Variants in ERCC5 observed in about 807,000 individuals in gnomAD.
The protein encoded by ERCC5 is DNA excision repair protein ERCC-5.
ERCC5 carries 68 observed loss-of-function variants against 105.6 expected under a neutral mutation model. That is an observed-to-expected ratio of 0.64 (90% CI 0.53 to 0.79). The LOEUF is 0.79. ERCC5 is among the 30% of genes least tolerant of loss of function. The pLI is 0.00. For synonymous variants in ERCC5, 546 were observed against 526.2 expected (o/e 1.04, Z -0.51); for missense variants, 1,373 against 1,426.7 (o/e 0.96, Z 0.61).
At chr13:102,851,583 G>A (rs923937636) in intron 1 of ERCC5, among the ~76,000 whole-genome samples, 12 of 152,096 alleles carry the variant, frequency 7.9e-5, no homozygotes, top group Admixed American at 7.2e-4. Context: ...GTGAGCCACC[G>A]CGCCCGGCCT....
chr13:102,862,461 A>G lies in ERCC5; in HGVS notation c.1312A>G (p.Lys438Glu). 1.9e-6 allele frequency: 3 copies of G among 1,614,182 alleles called. No homozygotes were observed. In the East Asian group the frequency reaches 6.7e-5, roughly 36 times the overall value. ...SDEGLKVRDG[K>E]GIPFTATLAS... ...TGAAGGACTTAAAGTGAGAGATGGA[A>G]AAGGAATACCGTTTACTGCAACACT... Residue 438 changes from lysine to glutamate, a missense_variant, in exon 8 of 15, where the codon AAA becomes GAA. This residue lies in a region of ERCC5 where 1,004 missense variants were observed against 1,059.7 expected (regional missense o/e 0.95). Coordinates refer to ENST00000652225, the MANE Select transcript of ERCC5 (RefSeq NM_000123.4).
In ERCC5 at chr13:102,863,018, C is replaced by A; in HGVS notation, c.1869C>A (p.Thr623=). Residue 623 remains threonine, a synonymous_variant, in exon 8 of 15, where the codon ACC becomes ACA. Coordinates refer to ENST00000652225, the MANE Select transcript of ERCC5 (RefSeq NM_000123.4). ...NFLETIQEQQ[T]TESAGQDLIS... The stretch of plus-strand genomic sequence containing the variant: ...TGGAAACCATCCAAGAACAGCAGAC[C>A]ACTGAATCTGCAGGCCAGGATTTAA... The A allele has an allele frequency of 1.2e-6, 2 of 1,614,126 alleles. No individual in the cohort carries two copies. Among genetic ancestry groups the A allele is most frequent in the Non-Finnish European group, 1.7e-6 (2 of 1,180,020 alleles).
intron 2 of ERCC5, 133 bp from the exon 3 acceptor site, chr13:102,853,624 A>C (rs1566464752): frequency 7.1e-6 from 6 of 846,512 alleles, no homozygotes; most frequent in Non-Finnish European, 1.1e-5. Flanking sequence ...CTGATATGGC[A>C]ATTAGGAGGA....
rs1477285025 is a variant in ERCC5, at chr13:102,849,407, G to A, written c.89-2711G>A. 5.8e-6 allele frequency: 3 copies of A among 518,992 alleles called. No individual in the cohort carries two copies. In the Admixed American group the frequency reaches 5.8e-5, roughly 10 times the overall value. The allele number at this position is 518,992 out of a possible 1,614,324, so 32.1% of individuals were successfully genotyped here. A position where few individuals can be genotyped will look rare whatever the true frequency, so the allele number is the denominator to read the frequency against. ...GCTGCACTGGCTTCCTGGAGATAGG[G>A]ACCGTCTCTGTTTTGTTCATGGCTG... On this transcript the variant is annotated intron_variant, in intron 1 of 14. Transcript: ENST00000652225.
At chr13:102,866,451 G>T (rs545704676) in intron 10 of ERCC5, 70 bp downstream of exon 10, 5 of 1,613,132 alleles carry the variant, frequency 3.1e-6, no homozygotes, top group South Asian at 2.2e-5. Context: ...CTGCATGAAG[G>T]GGGTATGCAC....
At chr13:102,868,021 A>G (rs1431788407) in intron 11 of ERCC5, 92 bp from the exon 12 acceptor site, 1 of 1,227,932 alleles carries the variant, frequency 8.1e-7, no homozygotes, top group Non-Finnish European at 1.2e-6. Flanking sequence ...ATAGATATAG[A>G]TATACACACG....
chr13:102,858,991 G>A (rs916192170), intron 6 of ERCC5: 1 of 451,140 alleles, frequency 2.2e-6, no homozygotes, highest in African/African-American at 2.0e-5. Flanking sequence ...AGTGCGAATG[G>A]GGCTTCTTCA....
At chr13:102,857,070 AT>A (rs913011549) in intron 5 of ERCC5, among the ~76,000 whole-genome samples, 5 of 152,106 alleles carry the variant, frequency 3.3e-5, no homozygotes, top group African/African-American at 1.2e-4. Context: ...GTATATATAC[AT>A]TTTTTTCATA....
rs573839835 is a variant in ERCC5 at position 102,868,179 on chromosome 13, C to T, written c.2600C>T (p.Pro867Leu). Residue 867 changes from proline (P) to leucine (L), a missense_variant, in exon 12 of 15, where the codon CCA becomes CTA. By Grantham distance (98) the Pro-to-Leu change is moderately conservative (BLOSUM62 -3). This residue lies in a region of ERCC5 where 1,004 missense variants were observed against 1,059.7 expected (regional missense o/e 0.95). Transcript: ENST00000652225. ...LLGSDYTEGI[P>L]TVGCVTAMEI... is the part of the protein sequence containing the mutation. ...GGAAGTGATTATACCGAAGGAATAC[C>T]AACTGTGGGTTGTGTAACCGCCATG... 216 of 1,614,008 alleles carry T rather than the reference C, an allele frequency of 1.3e-4. 5 individuals are homozygous for T. In the South Asian group the frequency reaches 2.2e-3, roughly 17 times the overall value.
chr13:102,852,317 A>G (rs1253511894), intron 2 of ERCC5, 24 bp downstream of exon 2: 1 of 1,611,496 alleles, frequency 6.2e-7, no homozygotes, highest in Non-Finnish European at 8.5e-7. Context: ...AGTTTTTAGT[A>G]AGTGTCAAAT....
At position 102,873,337 on chromosome 13, in the gene ERCC5, C is replaced by T. The variant is rs185320470; in HGVS notation, c.2958C>T (p.Ala986=). The T allele has an allele frequency of 1.2e-6, 2 of 1,614,032 alleles. No individual in the cohort carries two copies. The highest frequency in any genetic ancestry group is 2.2e-5 in the East Asian group (1 of 44,850). ...SLFPVLKQLD[A]QQTQLRIDSF... Reference sequence around the variant, plus strand: ...TTCCTGTATTAAAGCAACTCGATGCCCAGCAGGTAATCATGGTGGACCCTT... The same window carrying T: ...TTCCTGTATTAAAGCAACTCGATGCTCAGCAGGTAATCATGGTGGACCCTT... The change falls in exon 14 of 15, where the codon GCC becomes GCT. Residue 986 remains alanine, a synonymous_variant. Transcript: ENST00000652225.
rs121434577 is a variant in ERCC5, at chr13:102,854,313, C to G, written c.406C>G (p.Gln136Glu). ...AGATGAAGCACTACCCAGTCTTACC[C>G]AAGTTCGAAGAGAAAACGACCTCTA... ...KRDEALPSLT[Q>E]VRRENDLYVL... Residue 136 changes from glutamine (Q) to glutamate (E), a missense_variant, in exon 4 of 15, where the codon CAA becomes GAA. This residue lies in a region of ERCC5 where 1,004 missense variants were observed against 1,059.7 expected (regional missense o/e 0.95). Coordinates refer to ENST00000652225, the MANE Select transcript of ERCC5 (RefSeq NM_000123.4). 2 of 1,614,050 alleles carry G rather than the reference C, an allele frequency of 1.2e-6. No homozygotes were observed. Among genetic ancestry groups the G allele is most frequent in the African/African-American group, 2.7e-5 (2 of 74,918 alleles).
In ERCC5 at chr13:102,862,212, A is replaced by C. The variant is rs1390018178; in HGVS notation, c.1063A>C (p.Ser355Arg). The change falls in exon 8 of 15, where the codon AGT becomes CGT. Residue 355 changes from serine to arginine, a missense_variant. Transcript: ENST00000652225. ...LLAMQAALLG[S>R]SSEEELESEN... ...AGCTATGCAAGCTGCCCTGCTGGGA[A>C]GTAGCTCAGAAGAGGAGCTGGAGAG... 1.4e-5 allele frequency: 22 copies of C among 1,614,186 alleles called. No individual in the cohort carries two copies. Among genetic ancestry groups the C allele is most frequent in the Non-Finnish European group, 1.9e-5 (22 of 1,180,026 alleles).
chr13:102,870,845 G>T (rs746678185), intron 12 of ERCC5, among the ~76,000 whole-genome samples: 27 of 152,220 alleles, frequency 1.8e-4, no homozygotes, highest in Non-Finnish European at 2.8e-4. Context: ...TGAAGCGGGG[G>T]AGCCTGAGCT....
intron 1 of ERCC5, among the ~76,000 whole-genome samples, chr13:102,847,948 C>T (rs1882040867): frequency 6.6e-6 from 1 of 152,126 alleles, no homozygotes; most frequent in Non-Finnish European, 1.5e-5. Context: ...ATCATTTGAG[C>T]CCAGGAGTTC....
intron 1 of ERCC5, among the ~76,000 whole-genome samples, chr13:102,848,775 C>T (rs562504781): frequency 1.3e-5 from 2 of 152,180 alleles, no homozygotes; most frequent in South Asian, 4.1e-4. Flanking sequence ...TCTTGTCTAA[C>T]AATTTATGTG....
intron 1 of ERCC5, among the ~76,000 whole-genome samples, chr13:102,848,963 T>C (rs1357317238): frequency 6.6e-6 from 1 of 152,192 alleles, no homozygotes; most frequent in Non-Finnish European, 1.5e-5. Context: ...ATAATCCGTA[T>C]GTTTCAGAAG....
At chr13:102,871,672 A>G (rs1883038261) in intron 12 of ERCC5, among the ~76,000 whole-genome samples, 2 of 152,122 alleles carry the variant, frequency 1.3e-5, no homozygotes, top group South Asian at 2.1e-4. Context: ...ATCTGTTTTT[A>G]CAGATTTTTT....
intron 11 of ERCC5, among the ~76,000 whole-genome samples, chr13:102,867,756 G>A (rs1882888984): frequency 6.6e-6 from 1 of 152,138 alleles, no homozygotes; most frequent in African/African-American, 2.4e-5. Context: ...CAGTGGAGGA[G>A]GAGAAACGAA....
Sources: allele counts gnomAD v4.1 joint callset (sites outside exome capture counted in the v4.1 genomes callset), GRCh38; gene constraint gnomAD v4.1.1; regional missense constraint gnomAD v4.1.1; transcripts MANE v1.5; gene names NCBI Gene and HGNC (gene_info 2026-07-23, HGNC 2026-07-21).